EMCN: variants seen among roughly 807,000 people sequenced by gnomAD.
EMCN encodes the protein endomucin, also known as MUC-14.
EMCN carries 37 observed loss-of-function variants against 38.4 expected under a neutral mutation model. That is an observed-to-expected ratio of 0.96 (90% confidence interval 0.74 to 1.27). EMCN has a LOEUF of 1.27. EMCN is among the 50% of genes most tolerant of loss of function. The pLI, the probability that EMCN is intolerant of heterozygous loss-of-function variation, is 0.00. For missense variants in EMCN, 318 were observed against 302.8 expected (o/e 1.05, Z -0.37); for synonymous variants, 95 against 100.8 (o/e 0.94, Z 0.35).
At chr4:100,442,637 T>C (rs1157296094) in intron 5 of EMCN, among the ~76,000 whole-genome samples, 1 of 152,128 alleles carries the variant, frequency 6.6e-6, no homozygotes, top group Non-Finnish European at 1.5e-5. Flanking sequence ...TATCTTCTGA[T>C]TGATCTCGTC....
chr4:100,468,513 GC>G (rs1265409072), intron 3 of EMCN, among the ~76,000 whole-genome samples: 1 of 152,058 alleles, frequency 6.6e-6, no homozygotes, highest in Non-Finnish European at 1.5e-5. Context: ...TTTATCTGAT[GC>G]CCATAGGAAA....
At chr4:100,494,326 A>T (rs1158193272) in intron 1 of EMCN, among the ~76,000 whole-genome samples, 1 of 152,148 alleles carries the variant, frequency 6.6e-6, no homozygotes, top group Non-Finnish European at 1.5e-5. Flanking sequence ...GCCTTTGGAG[A>T]AGGAATGAGC....
chr4:100,417,116 C>G lies in EMCN; in HGVS notation c.689+1G>C. 6.2e-7 allele frequency: 1 copy of G among 1,613,638 alleles called. No individual in the cohort carries two copies. Among genetic ancestry groups the G allele is most frequent in the Non-Finnish European group, 8.5e-7 (1 of 1,179,662 alleles). Reference sequence around the variant, plus strand: ...ACAAAAGATGATATGGGCTTACTTACTGATCATTTCCATTTTCTGGTGTGC... The same window carrying G: ...ACAAAAGATGATATGGGCTTACTTAGTGATCATTTCCATTTTCTGGTGTGC... On this transcript the variant is annotated splice_donor_variant, in intron 9 of 11. Coordinates refer to ENST00000296420, the MANE Select transcript of EMCN (RefSeq NM_016242.4). LOFTEE classifies it high-confidence loss of function.
chr4:100,475,659 CTTTTTTTTTTTTTTT>C (rs869169290), intron 2 of EMCN, among the ~76,000 whole-genome samples: 2 of 60,314 alleles, frequency 3.3e-5, no homozygotes, highest in African/African-American at 8.4e-5. Context: ...AATTCTAGTC[CTTTTTTTTTTTTTTT>C]TTTTTTTTTT....
chr4:100,433,055 G>T (rs1040214460), intron 5 of EMCN, among the ~76,000 whole-genome samples: 1 of 152,062 alleles, frequency 6.6e-6, no homozygotes, highest in Non-Finnish European at 1.5e-5. Flanking sequence ...TCCTTATGTT[G>T]TACAATAGAC....
At position 100,460,796 on chromosome 4, in the gene EMCN, T is replaced by C. The variant is rs576655867; in HGVS notation, c.376+4627A>G. ...TTTTCTGCACTGAAGCCTTTTCATT[T>C]GATACAATCTCATTTGTCTAATTAT... On this transcript the variant is annotated intron_variant, in intron 4 of 11. Transcript: ENST00000296420. 2.8e-3 allele frequency among the ~76,000 whole-genome samples: 421 copies of C among 152,324 alleles called. 2 individuals are homozygous for C. Among genetic ancestry groups the C allele is most frequent in the African/African-American group, 9.8e-3 (407 of 41,584 alleles).
intron 2 of EMCN, 108 bp from the exon 3 acceptor site, chr4:100,475,217 T>C (rs1728601921): frequency 2.1e-6 from 1 of 478,344 alleles, no homozygotes; most frequent in South Asian, 5.3e-5. Context: ...CCTTTGTCTA[T>C]CTTTAATTTT....
intron 4 of EMCN, among the ~76,000 whole-genome samples, chr4:100,459,790 T>C (rs1728125767): frequency 6.6e-6 from 1 of 152,224 alleles, no homozygotes; most frequent in Admixed American, 6.5e-5. Flanking sequence ...AGTATACTAT[T>C]GTGTATATAT....
rs73833308 is a variant in EMCN at position 100,402,655 on chromosome 4, A to C, written c.*40-4282T>G. On this transcript the variant is annotated intron_variant, in intron 11 of 11. Transcript: ENST00000296420. ...CCAAAATTACAAAAAGGAGCAATAA[A>C]AGTTATTTAGCTTTTCAAATCAAAA... Among the ~76,000 whole-genome samples the C allele has an allele frequency of 9.8e-3, 1,493 of 152,294 alleles. 14 individuals carry two copies. The highest frequency in any genetic ancestry group is 0.024 in the African/African-American group (980 of 41,576).
At position 100,480,051 on chromosome 4, in the gene EMCN, A is replaced by T. The variant is rs1165645481; in HGVS notation, c.65-12T>A. The T allele has an allele frequency of 1.2e-6, 2 of 1,603,142 alleles. No individual in the cohort carries two copies. Among genetic ancestry groups the T allele is most frequent in the African/African-American group, 2.7e-5 (2 of 74,284 alleles). ...TGCCTCTAAAACACCTGAAAAAAGT[A>T]AAGTAGTTGCATTAACATTTACATA... On this transcript the variant is annotated splice_polypyrimidine_tract_variant and intron_variant, in intron 1 of 11. Transcript: ENST00000296420.
At chr4:100,450,741 AT>A (rs1484852502) in intron 4 of EMCN, among the ~76,000 whole-genome samples, 4 of 151,960 alleles carry the variant, frequency 2.6e-5, no homozygotes, top group Non-Finnish European at 5.9e-5. Context: ...ATTAAATCGC[AT>A]ATGAGAAATG....
intron 5 of EMCN, among the ~76,000 whole-genome samples, chr4:100,439,554 A>T (rs1412956810): frequency 1.4e-5 from 2 of 146,890 alleles, no homozygotes; most frequent in Admixed American, 6.7e-5. Flanking sequence ...CTAAAGGTTT[A>T]TCCATTTTTT....
chr4:100,460,216 T>C (rs996585217), intron 4 of EMCN, among the ~76,000 whole-genome samples: 1 of 152,228 alleles, frequency 6.6e-6, no homozygotes, highest in African/African-American at 2.4e-5. Context: ...TGGCCATTTG[T>C]ATGTCTTTTT....
At chr4:100,489,491 G>A (rs1729022915) in intron 1 of EMCN, among the ~76,000 whole-genome samples, 1 of 152,122 alleles carries the variant, frequency 6.6e-6, no homozygotes. Flanking sequence ...GCAAGAGCAA[G>A]ATGATAAAGG....
chr4:100,489,483 A>G (rs1336510571), intron 1 of EMCN, among the ~76,000 whole-genome samples: 2 of 152,212 alleles, frequency 1.3e-5, no homozygotes, highest in African/African-American at 4.8e-5. Flanking sequence ...CCACATATGC[A>G]AGAGCAAGAT....
rs572396865 is a variant in EMCN at position 100,410,282 on chromosome 4, G to C, written c.*39C>G. 6.3e-7 allele frequency: 1 copy of C among 1,596,332 alleles called. No homozygotes were observed. Among genetic ancestry groups the C allele is most frequent in the Non-Finnish European group, 8.6e-7 (1 of 1,164,020 alleles). Reference sequence around the variant, plus strand: ...CCGTGAATGAAATTGGGAAACTTACGTAATTATTGCCTAGGTGTGGAGAGA... The same window carrying C: ...CCGTGAATGAAATTGGGAAACTTACCTAATTATTGCCTAGGTGTGGAGAGA... On this transcript the variant is annotated splice_region_variant and 3_prime_UTR_variant, in exon 11 of 12. Transcript: ENST00000296420.
chr4:100,469,720 G>A (rs989231560), intron 3 of EMCN, among the ~76,000 whole-genome samples: 3 of 151,980 alleles, frequency 2.0e-5, no homozygotes, highest in African/African-American at 4.8e-5. Flanking sequence ...TGGCAGCTTT[G>A]TTGAAGATTA....
At chr4:100,475,546 T>C (rs1210095041) in intron 2 of EMCN, among the ~76,000 whole-genome samples, 5 of 151,916 alleles carry the variant, frequency 3.3e-5, no homozygotes, top group South Asian at 4.2e-4. Context: ...GATGTAGTTA[T>C]GGCAGTGAAA....
intron 1 of EMCN, among the ~76,000 whole-genome samples, chr4:100,484,647 A>G (rs1728894243): frequency 6.6e-6 from 1 of 152,068 alleles, no homozygotes; most frequent in Non-Finnish European, 1.5e-5. Flanking sequence ...CTAAGTCTAC[A>G]CCTAAAGTCC....
Sources: gnomAD v4.1 joint callset for allele counts (sites outside exome capture counted in the v4.1 genomes callset) on GRCh38, gnomAD v4.1.1 for gene constraint, MANE v1.5 for transcripts, NCBI Gene and HGNC (gene_info 2026-07-23, HGNC 2026-07-21) for gene names.